ZNF619: variants seen among roughly 807,000 people sequenced by gnomAD.
ZNF619 encodes the protein zinc finger protein 619.
In ZNF619, 9 loss-of-function variants were observed where a neutral mutation model predicts 14.2. The ratio of observed to expected loss-of-function variants is 0.64; its 90% confidence interval spans 0.38 to 1.11. The LOEUF is 1.11. Among genes scored for constraint, ZNF619 ranks in the 50% least tolerant of loss-of-function variants. The pLI is 0.01. For synonymous variants in ZNF619, 246 were observed against 252.8 expected (o/e 0.97, Z 0.26); for missense variants, 659 against 680.1 (o/e 0.97, Z 0.34).
chr3:40,486,749 C>A, intron 4 of ZNF619, 57 bp from the exon 5 acceptor site: 2 of 1,381,424 alleles, frequency 1.4e-6, no homozygotes, highest in Non-Finnish European at 2.0e-6. Context: ...TACTGATTAA[C>A]CCTTTTCCCT....
intron 2 of ZNF619, 146 bp downstream of exon 2, chr3:40,478,149 GAACGAGAGTAGGTGAATTTGGGA>G (rs1299626429): frequency 5.5e-6 from 4 of 722,796 alleles, no homozygotes; most frequent in Non-Finnish European, 6.8e-6. Flanking sequence ...GGGAGTTGAC[GAACGAGAGTAGGTGAATTTGGGA>G]GAGTCAGGTA....
chr3:40,477,386 C>CT (rs1302130133), intron 1 of ZNF619, 29 bp downstream of exon 1: 1 of 154,232 alleles, frequency 6.5e-6, no homozygotes, highest in Non-Finnish European at 1.4e-5. Context: ...GGAGCCGTGA[C>CT]TATAGGGTCT....
chr3:40,490,471 G>A lies in ZNF619; in HGVS notation c.*2230G>A, dbSNP rs1042793181. On this transcript the variant is annotated 3_prime_UTR_variant, in exon 5 of 5. Coordinates refer to ENST00000432264, the MANE Select transcript of ZNF619 (RefSeq NM_001145093.4). ...GGCTTAGAAGAGAAGACTAGGGAAAGTCTGAACCTTCTTAGAGATTACAGG... is the reference window on the plus strand; with the variant it reads ...GGCTTAGAAGAGAAGACTAGGGAAAATCTGAACCTTCTTAGAGATTACAGG... Among the ~76,000 whole-genome samples, 3 of 152,164 alleles carry A rather than the reference G, an allele frequency of 2.0e-5. No individual in the cohort carries two copies. The highest frequency in any genetic ancestry group is 4.8e-5 in the African/African-American group (2 of 41,442).
chr3:40,478,094 T>C, intron 2 of ZNF619, 91 bp downstream of exon 2: 2 of 1,236,930 alleles, frequency 1.6e-6, no homozygotes, highest in Non-Finnish European at 2.3e-6. Context: ...AGTCTCATGC[T>C]TAGTTTTACA....
At position 40,486,905 on chromosome 3, in the gene ZNF619, A is replaced by G. The variant is rs1163289364; in HGVS notation, c.395A>G (p.Asp132Gly). The G allele has an allele frequency of 6.2e-7, 1 of 1,614,208 alleles. No individual in the cohort carries two copies. Among genetic ancestry groups the G allele is most frequent in the East Asian group, 2.2e-5 (1 of 44,874 alleles). Residue 132 changes from aspartate (D) to glycine (G), a missense_variant, in exon 5 of 5, where the codon GAC (aspartate) becomes GGC (glycine). By Grantham distance (94) the Asp-to-Gly change is moderately conservative. Coordinates refer to ENST00000432264, the MANE Select transcript of ZNF619 (RefSeq NM_001145093.4). ...CTGATAGTGGAGGGACTGCTGATGG[A>G]CGTTCCCCAGCACCCTGACTTCAAG... ...HRLIVEGLLM[D>G]VPQHPDFKDR...
At chr3:40,479,694 G>C (rs767290585) in intron 2 of ZNF619, among the ~76,000 whole-genome samples, 1 of 152,058 alleles carries the variant, frequency 6.6e-6, no homozygotes, top group Non-Finnish European at 1.5e-5. Flanking sequence ...TTTCAACCTT[G>C]GCATCATTTA....
intron 2 of ZNF619, among the ~76,000 whole-genome samples, chr3:40,479,017 T>G (rs1432337630): frequency 6.6e-6 from 1 of 152,032 alleles, no homozygotes; most frequent in Non-Finnish European, 1.5e-5. Context: ...TAAAGGCTTC[T>G]CTCTCATACA....
intron 2 of ZNF619, 83 bp from the exon 3 acceptor site, chr3:40,481,780 C>A: frequency 6.6e-7 from 1 of 1,518,728 alleles, no homozygotes; most frequent in South Asian, 1.3e-5. Flanking sequence ...CCAGTACAAA[C>A]CTTCCATGGG....
Position 40,489,610 on chromosome 3 carries a change from G to A in ZNF619, c.*1369G>A, listed in dbSNP as rs1697747502. Reference sequence around the variant, plus strand: ...ACTCATATATGTAGGTACAAAAAGTGACTTGGACTTGTACCCTTTAGGGTA... The same window carrying A: ...ACTCATATATGTAGGTACAAAAAGTAACTTGGACTTGTACCCTTTAGGGTA... On this transcript the variant is annotated 3_prime_UTR_variant, in exon 5 of 5. Coordinates refer to ENST00000432264, the MANE Select transcript of ZNF619 (RefSeq NM_001145093.4). The A allele has an allele frequency of 6.6e-6, 1 of 151,934 alleles. No homozygotes were observed. The highest frequency in any genetic ancestry group is 6.6e-5 in the Admixed American group (1 of 15,262). 9.4% of individuals were successfully genotyped at this position (151,934 alleles called of 1,614,324 possible). A position where few individuals can be genotyped will look rare whatever the true frequency, so the allele number is the denominator to read the frequency against.
At chr3:40,486,718 C>A in intron 4 of ZNF619, 88 bp from the exon 5 acceptor site, 4 of 970,988 alleles carry the variant, frequency 4.1e-6, no homozygotes, top group Non-Finnish European at 5.9e-6. Context: ...AAAAAAAATT[C>A]ATGTGTCTAG....
chr3:40,480,581 C>T (rs1163415543), intron 2 of ZNF619, among the ~76,000 whole-genome samples: 3 of 149,622 alleles, frequency 2.0e-5, no homozygotes, highest in Non-Finnish European at 4.4e-5. Context: ...TCACTCCAAG[C>T]TCTGCCTCCG....
intron 3 of ZNF619, chr3:40,482,383 C>G (rs916819298): frequency 1.9e-6 from 3 of 1,579,642 alleles, no homozygotes; most frequent in Non-Finnish European, 2.6e-6. Context: ...TACACACCCC[C>G]CAGTGACTCT....
chr3:40,483,576 G>T, intron 4 of ZNF619: 1 of 419,098 alleles, frequency 2.4e-6, no homozygotes, highest in Non-Finnish European at 4.7e-6. Flanking sequence ...CAGGTGTGAG[G>T]CACCATGCCT....
chr3:40,488,092 C>T lies in ZNF619; in HGVS notation c.1582C>T (p.Leu528Phe), dbSNP rs760503242. Residue 528 changes from leucine (L) to phenylalanine (F), a missense_variant, in exon 5 of 5, where the codon CTT becomes TTT. Transcript: ENST00000432264. Reference protein sequence around the residue: ...PPLSSSHAVVLPPSVPFFLLL... With the variant: ...PPLSSSHAVVFPPSVPFFLLL... ...CTTATCTTCTTCACATGCAGTGGTA[C>T]TTCCTCCCTCTGTGCCTTTCTTCCT... 6.2e-7 allele frequency: 1 copy of T among 1,614,240 alleles called. No individual in the cohort carries two copies.
intron 4 of ZNF619, among the ~76,000 whole-genome samples, chr3:40,485,384 C>A (rs950248028): frequency 2.0e-5 from 3 of 150,294 alleles, no homozygotes; most frequent in African/African-American, 7.4e-5. Flanking sequence ...TCACTGCAAT[C>A]TCTGCCTCCT....
intron 2 of ZNF619, among the ~76,000 whole-genome samples, 167 bp from the exon 3 acceptor site, chr3:40,481,696 C>G (rs1311402513): frequency 6.6e-6 from 1 of 152,186 alleles, no homozygotes; most frequent in African/African-American, 2.4e-5. Flanking sequence ...ATTAGGGCCC[C>G]AGAGGTATGC....
rs113564598 is a variant in ZNF619, at chr3:40,488,112, C to T, written c.1602C>T (p.Phe534=). 17,197 of 1,614,160 alleles carry T rather than the reference C, an allele frequency of 0.011. 122 individuals are homozygous for T. Among genetic ancestry groups the T allele is most frequent in the Middle Eastern group, 0.015 (88 of 6,062 alleles). The change falls in exon 5 of 5, where the codon TTC becomes TTT. Residue 534 remains phenylalanine (F), a synonymous_variant. Coordinates refer to ENST00000432264, the MANE Select transcript of ZNF619 (RefSeq NM_001145093.4). Reference sequence around the variant, plus strand: ...TGGTACTTCCTCCCTCTGTGCCTTTCTTCCTGCTGCTTCCCTCATCTGAAA... The same window carrying T: ...TGGTACTTCCTCCCTCTGTGCCTTTTTTCCTGCTGCTTCCCTCATCTGAAA... ...HAVVLPPSVP[F]FLLLPSSEKA...
At chr3:40,486,413 C>T (rs191227907) in intron 4 of ZNF619, among the ~76,000 whole-genome samples, 154 of 152,212 alleles carry the variant, frequency 1.0e-3, no homozygotes, top group Non-Finnish European at 1.6e-3. Flanking sequence ...GTCTAGTGGG[C>T]GTGGTGGCTC....
chr3:40,486,449 A>G (rs1330982279), intron 4 of ZNF619, among the ~76,000 whole-genome samples: 2 of 152,140 alleles, frequency 1.3e-5, no homozygotes, highest in African/African-American at 2.4e-5. Flanking sequence ...GCACTTTGGG[A>G]GGCTGAGCTG....
Sources: gnomAD v4.1 joint callset for allele counts (sites outside exome capture counted in the v4.1 genomes callset) on GRCh38, gnomAD v4.1.1 for gene constraint, MANE v1.5 for transcripts, NCBI Gene and HGNC (gene_info 2026-07-23, HGNC 2026-07-21) for gene names.